DIP2C: variants seen among roughly 807,000 people sequenced by gnomAD.
DIP2C encodes DIP2 acetate--CoA ligase C (putative).
DIP2C carries 33 observed loss-of-function variants against 192.4 expected under a neutral mutation model. That is an observed-to-expected ratio of 0.17 (90% CI 0.13 to 0.23). The LOEUF (loss-of-function observed/expected upper bound fraction) is 0.23. Among genes scored for constraint, DIP2C ranks in the 10% least tolerant of loss-of-function variants. The pLI is 1.00. For synonymous variants in DIP2C, 979 were observed against 864.1 expected, an observed-to-expected ratio of 1.13 and a Z score of -2.33; for missense variants, 1,537 against 2,110.1, an observed-to-expected ratio of 0.73 and a Z score of 5.32.
At chr10:545,896 A>G (rs1300753407) in intron 1 of DIP2C, among the ~76,000 whole-genome samples, 1 of 152,198 alleles carries the variant, frequency 6.6e-6, no homozygotes, top group Non-Finnish European at 1.5e-5. Flanking sequence ...CTGAAGAATC[A>G]TGGACAATTT....
chr10:492,339 T>G (rs941568536), intron 1 of DIP2C, among the ~76,000 whole-genome samples: 1 of 152,186 alleles, frequency 6.6e-6, no homozygotes, highest in Non-Finnish European at 1.5e-5. Flanking sequence ...CCCTGCCGCC[T>G]TGGCCACCCG....
At chr10:289,347 G>A (rs1467999581) in intron 32 of DIP2C, among the ~76,000 whole-genome samples, 2 of 151,776 alleles carry the variant, frequency 1.3e-5, no homozygotes, top group East Asian at 1.9e-4. Flanking sequence ...ATGGCTCATC[G>A]CAGTCTGACC....
At chr10:401,152 G>A (rs1207433478) in intron 9 of DIP2C, among the ~76,000 whole-genome samples, 1 of 144,052 alleles carries the variant, frequency 6.9e-6, no homozygotes. Flanking sequence ...AGTTTGGTAT[G>A]TGTTCATCAG....
intron 1 of DIP2C, among the ~76,000 whole-genome samples, chr10:552,616 C>T (rs1324233904): frequency 2.6e-5 from 4 of 152,184 alleles, no homozygotes; most frequent in South Asian, 2.1e-4. Flanking sequence ...TTTGGGAGGC[C>T]GAGGCGGGCG....
At chr10:384,522 G>A in intron 15 of DIP2C, 24 bp downstream of exon 15, 1 of 1,610,262 alleles carries the variant, frequency 6.2e-7, no homozygotes, top group Non-Finnish European at 8.5e-7. Flanking sequence ...ACAGGTGTGA[G>A]CCACTGCGCC....
intron 31 of DIP2C, among the ~76,000 whole-genome samples, chr10:312,973 C>T (rs1023699516): frequency 6.6e-6 from 1 of 152,076 alleles, no homozygotes; most frequent in Non-Finnish European, 1.5e-5. Flanking sequence ...CGGCTAAGTA[C>T]CTCATTTCCT....
At chr10:597,001 C>T (rs1322362207) in intron 1 of DIP2C, among the ~76,000 whole-genome samples, 1 of 152,230 alleles carries the variant, frequency 6.6e-6, no homozygotes, top group East Asian at 1.9e-4. Context: ...GCTGGTTCTG[C>T]ATTATTTCTG....
At chr10:551,510 T>C (rs567106941) in intron 1 of DIP2C, among the ~76,000 whole-genome samples, 2 of 152,216 alleles carry the variant, frequency 1.3e-5, no homozygotes, top group Non-Finnish European at 2.9e-5. Flanking sequence ...AAGCCCTTCC[T>C]GGCTCAAGAG....
At chr10:562,287 T>C (rs1849263418) in intron 1 of DIP2C, among the ~76,000 whole-genome samples, 1 of 152,230 alleles carries the variant, frequency 6.6e-6, no homozygotes, top group South Asian at 2.1e-4. Flanking sequence ...GCAGCAATAA[T>C]TTCCCTGTCT....
Position 508,359 on chromosome 10 carries a change from T to C in DIP2C, c.86-21829A>G, listed in dbSNP as rs572089965. On this transcript the variant is annotated intron_variant, in intron 1 of 36. Coordinates refer to ENST00000280886, the MANE Select transcript of DIP2C (RefSeq NM_014974.3). ...TGCCCAGGCCCTCAGCCCCTCCATG[T>C]GTGCCCTTACTCCCTTGCTCCCCAG... Among the ~76,000 whole-genome samples the C allele has an allele frequency of 1.5e-4, 23 of 152,316 alleles. No homozygotes were observed. The South Asian group carries it at 4.1e-3, about 27-fold the overall frequency.
intron 1 of DIP2C, among the ~76,000 whole-genome samples, chr10:648,157 A>C (rs1855591832): frequency 6.6e-6 from 1 of 151,250 alleles, no homozygotes; most frequent in Middle Eastern, 3.3e-3. Flanking sequence ...CCACGTCCAC[A>C]TTGGACAGTG....
At chr10:450,523 TAAA>T (rs1321425904) in intron 3 of DIP2C, among the ~76,000 whole-genome samples, 5 of 152,050 alleles carry the variant, frequency 3.3e-5, no homozygotes, top group African/African-American at 9.7e-5. Context: ...ACATTGAAAA[TAAA>T]AAAGACTGTA....
intron 1 of DIP2C, among the ~76,000 whole-genome samples, chr10:551,237 C>T (rs575294977): frequency 6.6e-6 from 1 of 152,220 alleles, no homozygotes; most frequent in Non-Finnish European, 1.5e-5. Context: ...TTCTCAACAT[C>T]GTCCACGTAC....
At chr10:328,864 C>G (rs577726888) in intron 30 of DIP2C, among the ~76,000 whole-genome samples, 1 of 152,290 alleles carries the variant, frequency 6.6e-6, no homozygotes, top group Admixed American at 6.5e-5. Context: ...GAGCTAAGGA[C>G]TACTTAATTT....
At chr10:579,800 C>T (rs1440446768) in intron 1 of DIP2C, among the ~76,000 whole-genome samples, 1 of 151,868 alleles carries the variant, frequency 6.6e-6, no homozygotes, top group East Asian at 1.9e-4. Flanking sequence ...AGCATATGTA[C>T]ATAGGTACAC....
chr10:289,902 G>A (rs1955397481), intron 32 of DIP2C, among the ~76,000 whole-genome samples: 2 of 152,216 alleles, frequency 1.3e-5, no homozygotes, highest in Admixed American at 6.5e-5. Context: ...CCAGACCTAG[G>A]GCTGTCTGCA....
At chr10:309,918 T>G in intron 32 of DIP2C, 113 bp downstream of exon 32, 2 of 1,045,140 alleles carry the variant, frequency 1.9e-6, no homozygotes, top group East Asian at 4.8e-5. Flanking sequence ...ACAGTTACAC[T>G]CTGGGCAGAT....
intron 1 of DIP2C, among the ~76,000 whole-genome samples, chr10:540,321 A>T (rs1847909216): frequency 6.6e-6 from 1 of 152,220 alleles, no homozygotes; most frequent in African/African-American, 2.4e-5. Context: ...CAATTATCTC[A>T]GGTGTGTTTG....
At chr10:448,411 C>G (rs1968505501) in intron 3 of DIP2C, among the ~76,000 whole-genome samples, 1 of 144,444 alleles carries the variant, frequency 6.9e-6, no homozygotes, top group Non-Finnish European at 1.5e-5. Flanking sequence ...GCAGGACCCA[C>G]TCACCCCTGT....
Sources: allele counts gnomAD v4.1 joint callset (sites outside exome capture counted in the v4.1 genomes callset), GRCh38; gene constraint gnomAD v4.1.1; transcripts MANE v1.5; gene names NCBI Gene and HGNC (gene_info 2026-07-23, HGNC 2026-07-21).